The following ZSCAN25 variants were observed in gnomAD, a reference collection of about 807,000 sequenced individuals.
ZSCAN25 encodes the protein zinc finger and SCAN domain-containing protein 25.
In ZSCAN25, 27 loss-of-function variants were observed where a neutral mutation model predicts 38.7. The observed-to-expected ratio is 0.70, with a 90% CI of 0.51 to 0.96. ZSCAN25 has a LOEUF of 0.96. Among genes scored for constraint, ZSCAN25 ranks in the 40% least tolerant of loss-of-function variants. The pLI, the probability that ZSCAN25 is intolerant of heterozygous loss-of-function variation, is 0.00. For missense variants in ZSCAN25, 637 were observed against 705.9 expected, an observed-to-expected ratio of 0.90 and a Z score of 1.11; for synonymous variants, 273 against 277.7, an observed-to-expected ratio of 0.98 and a Z score of 0.17.
At chr7:99,622,329 G>A in intron 5 of ZSCAN25, 1 of 580,192 alleles carries the variant, frequency 1.7e-6, no homozygotes, top group Non-Finnish European at 3.1e-6. Context: ...AATCTTGCCA[G>A]CTGAGAACAG....
the ZSCAN25 span, among the ~76,000 whole-genome samples, chr7:99,711,710 G>T: frequency 6.6e-5 from 10 of 152,318 alleles, no homozygotes; most frequent in Admixed American, 1.3e-4. Context: ...TGAGGTTGTG[G>T]TGAGCTGAGA....
At chr7:99,713,519 A>G in the ZSCAN25 span, 1 of 1,613,486 alleles carries the variant, frequency 6.2e-7, no homozygotes, top group Non-Finnish European at 8.5e-7. Flanking sequence ...CATCAGCTGA[A>G]GGAAATCCAC....
chr7:99,653,854 A>G, the ZSCAN25 span, among the ~76,000 whole-genome samples: 5 of 152,238 alleles, frequency 3.3e-5, no homozygotes, highest in Non-Finnish European at 7.3e-5. The surrounding 1 kb of genome is among the most constrained non-coding windows in gnomAD (Gnocchi z 4.2). Flanking sequence ...GTTAGAGTTT[A>G]GCTCAGGAGT....
At chr7:99,685,180 A>G in the ZSCAN25 span, 2 of 1,613,138 alleles carry the variant, frequency 1.2e-6, no homozygotes, top group East Asian at 2.2e-5. Context: ...CTCAACCTTT[A>G]GAACAATGGG....
the ZSCAN25 span, among the ~76,000 whole-genome samples, chr7:99,675,667 C>T: frequency 7.9e-5 from 5 of 63,468 alleles, no homozygotes; most frequent in South Asian, 7.6e-4. Flanking sequence ...CCCTCCCCTC[C>T]CCTCTCCTTC....
chr7:99,682,331 G>A, the ZSCAN25 span, among the ~76,000 whole-genome samples: 2 of 152,184 alleles, frequency 1.3e-5, no homozygotes, highest in African/African-American at 4.8e-5. Context: ...CAGGGTTCTA[G>A]TTTCATTATT....
chr7:99,721,906 A>G, the ZSCAN25 span, among the ~76,000 whole-genome samples: 2 of 152,204 alleles, frequency 1.3e-5, no homozygotes, highest in Non-Finnish European at 2.9e-5. Flanking sequence ...AGAAAGCCCA[A>G]CCCAACCTTA....
At chr7:99,677,487 T>C in the ZSCAN25 span, among the ~76,000 whole-genome samples, 1 of 152,238 alleles carries the variant, frequency 6.6e-6, no homozygotes, top group African/African-American at 2.4e-5. Flanking sequence ...TAAGTAATGA[T>C]AAAACGTCCC....
At chr7:99,709,092 T>C in the ZSCAN25 span, 6 of 1,613,922 alleles carry the variant, frequency 3.7e-6, no homozygotes, top group Non-Finnish European at 5.1e-6. Flanking sequence ...ATGAAGAACA[T>C]AGCTTGGAAT....
the ZSCAN25 span, chr7:99,652,846 G>A: frequency 2.5e-6 from 3 of 1,212,978 alleles, no homozygotes; most frequent in Non-Finnish European, 3.6e-6. Context: ...AGTCCATGCA[G>A]TACTATTGAA....
At chr7:99,624,357 C>T in intron 7 of ZSCAN25, 177 bp downstream of exon 7, 1 of 684,172 alleles carries the variant, frequency 1.5e-6, no homozygotes, top group Non-Finnish European at 2.4e-6. Context: ...AATAGAGGAG[C>T]CAAATGATGG....
chr7:99,732,468 G>T, the ZSCAN25 span, among the ~76,000 whole-genome samples: 22 of 151,954 alleles, frequency 1.4e-4, no homozygotes, highest in African/African-American at 5.3e-4. Context: ...CAATTACAAA[G>T]CAGTCAGTTT....
the ZSCAN25 span, chr7:99,720,463 C>A: frequency 1.3e-5 from 21 of 1,606,306 alleles, no homozygotes; most frequent in South Asian, 2.3e-4. Flanking sequence ...TATGCTACAG[C>A]TGGAGCCAAA....
At chr7:99,674,038 CAAAT>C in the ZSCAN25 span, among the ~76,000 whole-genome samples, 2 of 152,098 alleles carry the variant, frequency 1.3e-5, no homozygotes, top group Non-Finnish European at 2.9e-5. Flanking sequence ...TTAACCCTGA[CAAAT>C]AAATCCCAAG....
intron 7 of ZSCAN25, among the ~76,000 whole-genome samples, chr7:99,627,486 T>C (rs535225072): frequency 2.7e-4 from 41 of 152,264 alleles, no homozygotes; most frequent in African/African-American, 7.5e-4. Flanking sequence ...CTCAGTGGAA[T>C]ACTGTATACC....
At chr7:99,621,305 T>C in intron 4 of ZSCAN25, 68 bp from the exon 5 acceptor site, 1 of 1,272,100 alleles carries the variant, frequency 7.9e-7, no homozygotes, top group Non-Finnish European at 1.0e-6. Flanking sequence ...TTTTAGATTT[T>C]AGTTCAACTC....
the ZSCAN25 span, among the ~76,000 whole-genome samples, chr7:99,642,324 G>C: frequency 2.4e-4 from 36 of 152,318 alleles, no homozygotes; most frequent in East Asian, 6.6e-3. Context: ...TGGGATGCTT[G>C]CCCTTGGAAC....
chr7:99,713,277 C>G, the ZSCAN25 span, among the ~76,000 whole-genome samples: 4 of 152,272 alleles, frequency 2.6e-5, no homozygotes, highest in Admixed American at 2.6e-4. Context: ...GCCCTTTAAG[C>G]TTAGAACATG....
chr7:99,696,850 T>A, the ZSCAN25 span, among the ~76,000 whole-genome samples: 4 of 152,174 alleles, frequency 2.6e-5, no homozygotes, highest in African/African-American at 9.7e-5. Context: ...CCTTTGGGTG[T>A]TTCCTCGTGA....
Sources: allele counts gnomAD v4.1 joint callset (sites outside exome capture counted in the v4.1 genomes callset), GRCh38; gene constraint gnomAD v4.1.1; non-coding constraint Gnocchi (gnomAD v3.1); transcripts MANE v1.5; gene names NCBI Gene and HGNC (gene_info 2026-07-23, HGNC 2026-07-21).